The following LMO7 variants were observed in gnomAD, a reference collection of about 807,000 sequenced individuals.
LMO7 encodes the protein LIM domain only protein 7.
LMO7 carries 120 observed loss-of-function variants against 206.5 expected under a neutral mutation model. That is an observed-to-expected ratio of 0.58 (90% confidence interval 0.50 to 0.68). LMO7 has a LOEUF of 0.68. LMO7 is among the 30% of genes least tolerant of loss of function. The probability of loss-of-function intolerance (pLI) is 0.00; values close to 1 mark genes in which losing one functional copy is unlikely to be tolerated. For synonymous variants in LMO7, 706 were observed against 681.5 expected (o/e 1.04, Z -0.56); for missense variants, 1,959 against 1,957.9 (o/e 1.00, Z -0.01).
Position 75,800,560 on chromosome 13 carries a change from C to T in LMO7, c.463-124C>T, listed in dbSNP as rs541484289. On this transcript the variant is annotated intron_variant, in intron 6 of 30. Transcript: ENST00000377534. ...CTTTTTGCTGTGTCCGACAGAGAAA[C>T]CTCATGCCTTACATGTCAAATAAAA... The T allele has an allele frequency of 1.2e-4, 98 of 803,064 alleles. No individual in the cohort carries two copies. In the African/African-American group the frequency reaches 1.5e-3, roughly 13 times the overall value. The allele number at this position is 803,064 out of a possible 1,614,324, so 49.7% of individuals were successfully genotyped here.
chr13:75,658,980 T>G (rs2038317729), intron 1 of LMO7, among the ~76,000 whole-genome samples: 1 of 152,162 alleles, frequency 6.6e-6, no homozygotes, highest in African/African-American at 2.4e-5. Flanking sequence ...TCTTAAAGAG[T>G]TGATTTTTCT....
At chr13:75,712,588 C>CCAT (rs1477826653) in intron 1 of LMO7, among the ~76,000 whole-genome samples, 1 of 152,168 alleles carries the variant, frequency 6.6e-6, no homozygotes, top group Non-Finnish European at 1.5e-5. Context: ...AAAATATTCA[C>CCAT]CATCTCACCT....
intron 23 of LMO7, 53 bp from the exon 24 acceptor site, chr13:75,841,575 A>G: frequency 7.8e-7 from 1 of 1,281,768 alleles, no homozygotes; most frequent in Admixed American, 2.2e-5. Flanking sequence ...GTCTATATGA[A>G]ATTACGGAAA....
chr13:75,625,391 A>G (rs533566418), intron 2 of LMO7, among the ~76,000 whole-genome samples: 1 of 151,860 alleles, frequency 6.6e-6, no homozygotes, highest in Admixed American at 6.6e-5. Flanking sequence ...CCCTTTGAGT[A>G]TGTAAAGGTC....
At chr13:75,713,696 T>A (rs2043302051) in intron 2 of LMO7, among the ~76,000 whole-genome samples, 1 of 151,972 alleles carries the variant, frequency 6.6e-6, no homozygotes, top group South Asian at 2.1e-4. Flanking sequence ...TTAAGTGGAG[T>A]CATTACATTA....
At chr13:75,716,568 A>G (rs1385341524) in intron 2 of LMO7, among the ~76,000 whole-genome samples, 1 of 152,120 alleles carries the variant, frequency 6.6e-6, no homozygotes, top group African/African-American at 2.4e-5. Context: ...TTTTCTAATT[A>G]ATAAAAGGAT....
intron 2 of LMO7, among the ~76,000 whole-genome samples, chr13:75,717,488 C>G (rs560268199): frequency 1.7e-4 from 26 of 151,780 alleles, no homozygotes; most frequent in Admixed American, 1.6e-3. Flanking sequence ...TATCGGTGTT[C>G]CTATTTGTAT....
In LMO7 at chr13:75,840,122, T is replaced by C; in HGVS notation, c.3477+12T>C. The C allele has an allele frequency of 1.2e-6, 2 of 1,613,650 alleles. No individual in the cohort carries two copies. The highest frequency in any genetic ancestry group is 1.7e-6 in the Non-Finnish European group (2 of 1,179,556). On this transcript the variant is annotated intron_variant, in intron 21 of 30. Coordinates refer to ENST00000377534, the MANE Select transcript of LMO7 (RefSeq NM_001306080.2). ...CGGTGGTTCCTGATGTAAGTAGCAT[T>C]CATTTGTCATTTGGAATAAGGTGAA...
intron 1 of LMO7, among the ~76,000 whole-genome samples, chr13:75,668,405 CTT>C (rs1470325409): frequency 6.6e-6 from 1 of 152,138 alleles, no homozygotes; most frequent in African/African-American, 2.4e-5. Context: ...TATTTTCTCT[CTT>C]TAGTTCTGGC....
At position 75,819,529 on chromosome 13, in the gene LMO7, A is replaced by AG; in HGVS notation, c.2203dup (p.Asp735GlyfsTer21). 1 of 1,592,404 alleles carries AG rather than the reference A, an allele frequency of 6.3e-7. No individual in the cohort carries two copies. Among genetic ancestry groups the AG allele is most frequent in the Non-Finnish European group, 8.5e-7 (1 of 1,173,836 alleles). On this transcript the variant is annotated frameshift_variant, in exon 13 of 31. Transcript: ENST00000377534. LOFTEE classifies it high-confidence loss of function. ...TCTAAGACGTTTAAGGAAATGCTGC[A>AG]GGACAGGTAATAATGCTGAATGCAC...
intron 27 of LMO7, among the ~76,000 whole-genome samples, chr13:75,849,629 G>A (rs535865141): frequency 1.3e-5 from 2 of 151,932 alleles, no homozygotes; most frequent in Non-Finnish European, 2.9e-5. Flanking sequence ...AATGCACAGT[G>A]CTCTTAGAAC....
At chr13:75,640,572 ATCTC>A (rs2036436262) in intron 1 of LMO7, among the ~76,000 whole-genome samples, 2 of 151,962 alleles carry the variant, frequency 1.3e-5, no homozygotes, top group South Asian at 2.1e-4. Flanking sequence ...TCTTACATAA[ATCTC>A]TCTTTTTGCA....
chr13:75,810,785 C>A (rs775358286), intron 11 of LMO7, among the ~76,000 whole-genome samples: 1 of 152,220 alleles, frequency 6.6e-6, no homozygotes, highest in South Asian at 2.1e-4. Flanking sequence ...ACAACCATTT[C>A]AGTGGCTGGA....
At chr13:75,733,198 CT>C (rs1426343276) in intron 3 of LMO7, among the ~76,000 whole-genome samples, 1 of 152,232 alleles carries the variant, frequency 6.6e-6, no homozygotes, top group Non-Finnish European at 1.5e-5. Flanking sequence ...TTACTGCTGT[CT>C]TTTTGTTTGT....
At chr13:75,850,559 T>C (rs116311297) in intron 27 of LMO7, among the ~76,000 whole-genome samples, 435 of 152,330 alleles carry the variant, frequency 2.9e-3, no homozygotes, top group African/African-American at 0.01. Flanking sequence ...CAGAACACTA[T>C]ATGACTATTG....
chr13:75,733,088 TGAG>T (rs982807561), intron 3 of LMO7, among the ~76,000 whole-genome samples: 17 of 152,194 alleles, frequency 1.1e-4, no homozygotes. Flanking sequence ...GGGACCCACT[TGAG>T]GAGGCAGTCT....
At chr13:75,682,076 G>C (rs891935876) in intron 1 of LMO7, among the ~76,000 whole-genome samples, 2 of 151,992 alleles carry the variant, frequency 1.3e-5, no homozygotes, top group African/African-American at 4.8e-5. Context: ...TTTCCACATT[G>C]GCCACAATGT....
At chr13:75,825,284 G>A (rs2058012362) in intron 15 of LMO7, among the ~76,000 whole-genome samples, 1 of 152,130 alleles carries the variant, frequency 6.6e-6, no homozygotes, top group Admixed American at 6.5e-5. Context: ...AAAAGCAGAA[G>A]CGAAGTGCCT....
At chr13:75,708,691 C>T (rs988915852) in intron 1 of LMO7, among the ~76,000 whole-genome samples, 2 of 152,198 alleles carry the variant, frequency 1.3e-5, no homozygotes, top group African/African-American at 4.8e-5. Flanking sequence ...GTTTCTCTTG[C>T]ACAGGTTGGT....
Sources: allele counts gnomAD v4.1 joint callset (sites outside exome capture counted in the v4.1 genomes callset), GRCh38; gene constraint gnomAD v4.1.1; transcripts MANE v1.5; gene names NCBI Gene and HGNC (gene_info 2026-07-23, HGNC 2026-07-21).